The following CLSTN2 variants were observed in gnomAD, a reference collection of about 807,000 sequenced individuals.
The protein encoded by CLSTN2 is calsyntenin 2.
Under a neutral mutation model 101.2 loss-of-function variants are expected in CLSTN2, and 48 were observed. The observed-to-expected ratio is 0.47, with a 90% CI of 0.38 to 0.60. CLSTN2 has a LOEUF of 0.60. Ranked by LOEUF, CLSTN2 falls within the 20% of genes least tolerant of loss-of-function variation. The pLI, the probability that CLSTN2 is intolerant of heterozygous loss-of-function variation, is 0.00. For missense variants in CLSTN2, 1,160 were observed against 1,238.2 expected (o/e 0.94, Z 0.95); for synonymous variants, 481 against 463.6 (o/e 1.04, Z -0.48).
chr3:140,060,891 G>A (rs16849770), intron 1 of CLSTN2, among the ~76,000 whole-genome samples: 3,021 of 152,240 alleles, frequency 0.02, 96 homozygotes, highest in African/African-American at 0.069. Flanking sequence ...CAGATCTTGT[G>A]CCAAGCCAAG....
intron 1 of CLSTN2, among the ~76,000 whole-genome samples, chr3:139,951,532 C>G (rs992009162): frequency 2.6e-5 from 4 of 152,178 alleles, no homozygotes; most frequent in African/African-American, 7.2e-5. Flanking sequence ...ATCTTGTGGT[C>G]TTTCCCATTG....
intron 8 of CLSTN2, among the ~76,000 whole-genome samples, chr3:140,523,808 C>T (rs1445879111): frequency 2.0e-5 from 3 of 152,196 alleles, no homozygotes; most frequent in Non-Finnish European, 4.4e-5. Flanking sequence ...TGTGGTTCCT[C>T]AAACCCCAGG....
chr3:140,181,407 A>G (rs1380648450), intron 2 of CLSTN2, among the ~76,000 whole-genome samples: 1 of 152,174 alleles, frequency 6.6e-6, no homozygotes, highest in Non-Finnish European at 1.5e-5. Context: ...GGTTGATTAC[A>G]ATAGTGCAAT....
chr3:140,448,084 G>A (rs891060036), intron 5 of CLSTN2, among the ~76,000 whole-genome samples: 4 of 152,228 alleles, frequency 2.6e-5, no homozygotes, highest in African/African-American at 9.6e-5. Context: ...TGCCTCTGGT[G>A]TGTTGTTGTG....
intron 6 of CLSTN2, 148 bp downstream of exon 6, chr3:140,448,852 T>C (rs566620886): frequency 2.4e-5 from 17 of 706,286 alleles, no homozygotes; most frequent in East Asian, 5.7e-5. Flanking sequence ...AGTTTACTTA[T>C]GGCAGAAGGG....
In CLSTN2 at chr3:140,575,795, T is replaced by C. The variant is rs188363091; in HGVS notation, c.*9542T>C. On this transcript the variant is annotated 3_prime_UTR_variant, in exon 17 of 17. Transcript: ENST00000458420. ...TGAGTAGGCTATGGACAGCTGATTA[T>C]ATATATGTGTGTGTGTGTATATGTG... is the stretch of plus-strand genomic sequence containing the variant. The C allele has an allele frequency of 2.6e-5, 4 of 152,286 alleles. No homozygotes were observed. The highest frequency in any genetic ancestry group is 2.0e-4 in the Admixed American group (3 of 15,292). 9.4% of individuals were successfully genotyped at this position (152,286 alleles called of 1,614,324 possible).
intron 2 of CLSTN2, among the ~76,000 whole-genome samples, chr3:140,202,459 G>C (rs2010729732): frequency 6.6e-6 from 1 of 152,234 alleles, no homozygotes; most frequent in Non-Finnish European, 1.5e-5. Context: ...TGGAAGGATG[G>C]AGGTGTCATT....
At chr3:140,329,938 G>A (rs2087366209) in intron 2 of CLSTN2, among the ~76,000 whole-genome samples, 1 of 152,236 alleles carries the variant, frequency 6.6e-6, no homozygotes, top group African/African-American at 2.4e-5. Context: ...GGGAGGAATG[G>A]CCCTGAGTGC....
chr3:140,120,687 A>G (rs994691420), intron 1 of CLSTN2, among the ~76,000 whole-genome samples: 2 of 152,128 alleles, frequency 1.3e-5, no homozygotes, highest in African/African-American at 4.8e-5. Context: ...AGATGTTAGG[A>G]GTTATGAGCC....
At chr3:140,502,283 T>C (rs1165302643) in intron 8 of CLSTN2, among the ~76,000 whole-genome samples, 1 of 152,234 alleles carries the variant, frequency 6.6e-6, no homozygotes, top group Non-Finnish European at 1.5e-5. Flanking sequence ...TGGAGCAAAT[T>C]GTAGCAAATG....
chr3:140,046,945 T>A (rs2007893676), intron 1 of CLSTN2, among the ~76,000 whole-genome samples: 2 of 152,184 alleles, frequency 1.3e-5, no homozygotes. Flanking sequence ...TGCTTCCAAC[T>A]GTCCCTCTAG....
At chr3:139,943,729 G>C (rs1935172443) in intron 1 of CLSTN2, among the ~76,000 whole-genome samples, 1 of 152,178 alleles carries the variant, frequency 6.6e-6, no homozygotes, top group African/African-American at 2.4e-5. Flanking sequence ...AAGGAAATCA[G>C]CTCGTCTCAG....
At chr3:140,098,565 A>G (rs555785579) in intron 1 of CLSTN2, among the ~76,000 whole-genome samples, 4 of 152,376 alleles carry the variant, frequency 2.6e-5, no homozygotes, top group Admixed American at 6.5e-5. Context: ...TTGGAAATGT[A>G]TAGACATTGC....
chr3:140,369,233 A>T (rs113555613), intron 2 of CLSTN2, among the ~76,000 whole-genome samples: 1 of 152,242 alleles, frequency 6.6e-6, no homozygotes, highest in African/African-American at 2.4e-5. Context: ...AAATTCATCA[A>T]TTGGATTCTA....
intron 2 of CLSTN2, among the ~76,000 whole-genome samples, chr3:140,298,468 A>G (rs1391768899): frequency 6.6e-6 from 1 of 152,242 alleles, no homozygotes; most frequent in African/African-American, 2.4e-5. Flanking sequence ...ATCTAGAGAA[A>G]AAGATAAACA....
chr3:140,213,347 G>A (rs751890523), intron 2 of CLSTN2, among the ~76,000 whole-genome samples: 2 of 152,188 alleles, frequency 1.3e-5, no homozygotes, highest in African/African-American at 2.4e-5. Flanking sequence ...CCAGGACTAG[G>A]CAGGGGTAGG....
chr3:140,086,278 A>G (rs528787454), intron 1 of CLSTN2, among the ~76,000 whole-genome samples: 6 of 152,310 alleles, frequency 3.9e-5, no homozygotes, highest in South Asian at 4.1e-4. Context: ...TGGGAATGGG[A>G]TAGCAGAGCT....
chr3:140,121,645 CTCT>C (rs2009342962), intron 1 of CLSTN2, among the ~76,000 whole-genome samples: 1 of 152,170 alleles, frequency 6.6e-6, no homozygotes, highest in South Asian at 2.1e-4. Flanking sequence ...GTCTCCTCAC[CTCT>C]TCCAAGTCCT....
intron 5 of CLSTN2, among the ~76,000 whole-genome samples, chr3:140,437,791 T>A (rs1471169768): frequency 6.6e-6 from 1 of 152,274 alleles, no homozygotes; most frequent in African/African-American, 2.4e-5. Flanking sequence ...TATAATTTTT[T>A]ATCCTCATAT....
Sources: allele counts gnomAD v4.1 joint callset (sites outside exome capture counted in the v4.1 genomes callset), GRCh38; gene constraint gnomAD v4.1.1; transcripts MANE v1.5; gene names NCBI Gene and HGNC (gene_info 2026-07-23, HGNC 2026-07-21).